The following RAI1 variants were observed in gnomAD, a reference collection of about 807,000 sequenced individuals.
RAI1 encodes the protein retinoic acid-induced protein 1.
RAI1 carries 9 observed loss-of-function variants against 123.8 expected under a neutral mutation model. The observed-to-expected ratio is 0.07, with a 90% CI of 0.04 to 0.13. The LOEUF is 0.13. Ranked by LOEUF, RAI1 falls within the 10% of genes least tolerant of loss-of-function variation. The probability of loss-of-function intolerance (pLI) is 1.00; values close to 1 mark genes in which losing one functional copy is unlikely to be tolerated. For missense variants in RAI1, 2,256 were observed against 2,545.8 expected, an observed-to-expected ratio of 0.89 and a Z score of 2.45; for synonymous variants, 1,231 against 1,127.3, an observed-to-expected ratio of 1.09 and a Z score of -1.84.
At position 17,759,674 on chromosome 17, in the gene RAI1, T is replaced by C. The variant is rs956531783; in HGVS notation, c.-16-33259T>C. Among the ~76,000 whole-genome samples the C allele has an allele frequency of 9.8e-5, 15 of 152,370 alleles. No individual in the cohort carries two copies. In the South Asian group the frequency reaches 1.9e-3, roughly 19 times the overall value. ...GGGTGAGGTTTGCCAAGAGCCACGC[T>C]AGCCAGAGGGGACCCAGCTGACCTA... On this transcript the variant is annotated intron_variant, in intron 2 of 5. Coordinates refer to ENST00000353383, the MANE Select transcript of RAI1 (RefSeq NM_030665.4).
intron 1 of RAI1, among the ~76,000 whole-genome samples, chr17:17,699,416 T>C (rs1220018984): frequency 6.6e-6 from 1 of 152,188 alleles, no homozygotes; most frequent in African/African-American, 2.4e-5. Context: ...AAACATTAAA[T>C]TGAAGAATTA....
At chr17:17,742,809 A>G in intron 2 of RAI1, among the ~76,000 whole-genome samples, 1 of 152,030 alleles carries the variant, frequency 6.6e-6, no homozygotes, top group Non-Finnish European at 1.5e-5. Context: ...CTACAACCCT[A>G]TGGGGCCCCT....
rs866937596 is a variant in RAI1, at chr17:17,794,905, G to A, written c.1957G>A (p.Val653Met). The change falls in exon 3 of 6, where the codon GTG becomes ATG. Residue 653 changes from valine to methionine, a missense_variant. By Grantham distance (21) the Val-to-Met change is conservative. Around this residue, in one of 7 missense-constraint regions of RAI1, gnomAD observed 566 missense variants for 616.0 expected, o/e 0.92. Coordinates refer to ENST00000353383, the MANE Select transcript of RAI1 (RefSeq NM_030665.4). ...GAACCACAGCGCCTGCCTGGACTCT[G>A]TGGCCAAGAGTGCGTGGCCCCGGCC... ...LENHSACLDSVAKSAWPRPGE... is the reference protein window; with the variant it reads ...LENHSACLDSMAKSAWPRPGE... 1.9e-6 allele frequency: 3 copies of A among 1,613,574 alleles called. No individual in the cohort carries two copies. The highest frequency in any genetic ancestry group is 2.7e-5 in the African/African-American group (2 of 75,066).
intron 2 of RAI1, among the ~76,000 whole-genome samples, chr17:17,763,367 G>T (rs1344866716): frequency 6.6e-6 from 1 of 152,226 alleles, no homozygotes; most frequent in Non-Finnish European, 1.5e-5. Context: ...GAGGTCAGGA[G>T]CCTGTGTGTC....
At chr17:17,717,490 G>A (rs1915746114) in intron 1 of RAI1, among the ~76,000 whole-genome samples, 2 of 152,106 alleles carry the variant, frequency 1.3e-5, no homozygotes, top group Non-Finnish European at 2.9e-5. Context: ...ACCCCTGCCT[G>A]CCTCTCAGTG....
At position 17,805,584 on chromosome 17, in the gene RAI1, AC is replaced by A. The variant is rs1239552503; in HGVS notation, c.5659+1739del. 2.0e-5 allele frequency among the ~76,000 whole-genome samples: 3 copies of A among 152,096 alleles called. No individual in the cohort carries two copies. The South Asian group carries it at 6.2e-4, about 32-fold the overall frequency. On this transcript the variant is annotated intron_variant, in intron 4 of 5. Coordinates refer to ENST00000353383, the MANE Select transcript of RAI1 (RefSeq NM_030665.4). ...GCCTGGACAGGGGACCACAGCCTGTACCCCACCTGCCTGGTGGGTCCCCAGC... is the reference window on the plus strand; with the variant it reads ...GCCTGGACAGGGGACCACAGCCTGTACCCACCTGCCTGGTGGGTCCCCAGC...
At position 17,758,874 on chromosome 17, in the gene RAI1, TG is replaced by T. The variant is rs2030563453; in HGVS notation, c.-16-34058del. Among the ~76,000 whole-genome samples the T allele has an allele frequency of 1.3e-5, 2 of 152,094 alleles. 1 individual carries two copies. The highest frequency in any genetic ancestry group is 4.1e-4 in the South Asian group (2 of 4,824). ...ATGCAAAGGCCCAGGGGTATGAAGC[TG>T]CCCAGCTGACAGGTGGATTACAGGC... On this transcript the variant is annotated intron_variant, in intron 2 of 5. Coordinates refer to ENST00000353383, the MANE Select transcript of RAI1 (RefSeq NM_030665.4).
intron 2 of RAI1, among the ~76,000 whole-genome samples, chr17:17,762,901 G>A (rs747399897): frequency 8.5e-5 from 13 of 152,050 alleles, no homozygotes; most frequent in Non-Finnish European, 1.5e-4. Context: ...TCCCATGGGG[G>A]CTGGCCCGAT....
At chr17:17,681,963 G>C (rs1237308262) in intron 1 of RAI1, among the ~76,000 whole-genome samples, 170 bp downstream of exon 1, 5 of 151,474 alleles carry the variant, frequency 3.3e-5, no homozygotes, top group African/African-American at 1.2e-4. Flanking sequence ...TTTGTGTGGT[G>C]TGGGGGGTGC....
At chr17:17,762,553 CTG>C (rs781221785) in intron 2 of RAI1, among the ~76,000 whole-genome samples, 1 of 152,200 alleles carries the variant, frequency 6.6e-6, no homozygotes, top group Non-Finnish European at 1.5e-5. Flanking sequence ...CTTTACTTTC[CTG>C]TGTGACCTTG....
At chr17:17,773,073 G>GTGGATGGATGGATGGA (rs1172543704) in intron 2 of RAI1, among the ~76,000 whole-genome samples, 3 of 92,562 alleles carry the variant, frequency 3.2e-5, no homozygotes, top group African/African-American at 1.3e-4. Context: ...GGGTGGGTGG[G>GTGGATGGATGGATGGA]TGGATGGATG....
At chr17:17,725,991 C>G (rs749263884) in intron 2 of RAI1, among the ~76,000 whole-genome samples, 11 of 152,146 alleles carry the variant, frequency 7.2e-5, no homozygotes, top group Non-Finnish European at 1.6e-4. Flanking sequence ...CTCTGACATG[C>G]TAACAGTGTG....
At position 17,804,627 on chromosome 17, in the gene RAI1, C is replaced by T. The variant is rs896912038; in HGVS notation, c.5659+778C>T. ...TTGGGAGATATGGGGCCAACTTTGGCCTGGATTCAAACCCTAGTGGTGGGG... is the reference window on the plus strand; with the variant it reads ...TTGGGAGATATGGGGCCAACTTTGGTCTGGATTCAAACCCTAGTGGTGGGG... On this transcript the variant is annotated intron_variant, in intron 4 of 5. Transcript: ENST00000353383. Among the ~76,000 whole-genome samples the T allele has an allele frequency of 2.6e-5, 4 of 152,042 alleles. No individual in the cohort carries two copies. The South Asian group carries it at 8.3e-4, about 32-fold the overall frequency.
intron 2 of RAI1, among the ~76,000 whole-genome samples, chr17:17,756,219 C>T (rs1336609292): frequency 6.7e-6 from 1 of 149,552 alleles, no homozygotes; most frequent in Admixed American, 6.6e-5. Flanking sequence ...TTTTTGGAGA[C>T]AGAGTTTTGC....
intron 2 of RAI1, chr17:17,778,774 C>G: frequency 2.2e-6 from 1 of 456,764 alleles, no homozygotes; most frequent in Non-Finnish European, 4.4e-6. Context: ...CTACAACTTT[C>G]CAGAACACAG....
In RAI1 at chr17:17,809,199, G is replaced by A; in HGVS notation, c.5660-191G>A. The A allele has an allele frequency of 1.4e-6, 1 of 692,132 alleles. No individual in the cohort carries two copies. Among genetic ancestry groups the A allele is most frequent in the Non-Finnish European group, 2.6e-6 (1 of 381,322 alleles). The allele number at this position is 692,132 out of a possible 1,614,324, so 42.9% of individuals were successfully genotyped here. The stretch of plus-strand genomic sequence containing the variant: ...GGTGAGTCAAGACTGCCAGGCCAGG[G>A]GCCGCACCCGCGCCGTGGAGTGGAG... On this transcript the variant is annotated intron_variant, in intron 4 of 5. Transcript: ENST00000353383. This position sits in a 1 kb window ranked among gnomAD's most constrained non-coding sequence, Gnocchi z 4.9.
chr17:17,769,522 C>G (rs184598220), intron 2 of RAI1, among the ~76,000 whole-genome samples: 1 of 152,198 alleles, frequency 6.6e-6, no homozygotes. Context: ...AATGAAGGAG[C>G]GACATGACAA....
At chr17:17,758,943 G>A (rs913344855) in intron 2 of RAI1, among the ~76,000 whole-genome samples, 2 of 152,166 alleles carry the variant, frequency 1.3e-5, no homozygotes, top group African/African-American at 4.8e-5. Context: ...AGGGAGCAGG[G>A]GTCAGAGGGT....
intron 2 of RAI1, among the ~76,000 whole-genome samples, chr17:17,744,409 T>C (rs1916744040): frequency 6.6e-6 from 1 of 152,206 alleles, no homozygotes; most frequent in Non-Finnish European, 1.5e-5. Flanking sequence ...TTCACAGAAA[T>C]AGCAGGCAGT....
Sources: allele counts gnomAD v4.1 joint callset (sites outside exome capture counted in the v4.1 genomes callset), GRCh38; gene constraint gnomAD v4.1.1; regional missense constraint gnomAD v4.1.1; non-coding constraint Gnocchi (gnomAD v3.1); transcripts MANE v1.5; gene names NCBI Gene and HGNC (gene_info 2026-07-23, HGNC 2026-07-21).